TENM3: variants seen among roughly 807,000 people sequenced by gnomAD.
TENM3 encodes teneurin-3.
A neutral mutation model predicts 255.1 loss-of-function variants in TENM3; 63 were observed. That is an observed-to-expected ratio of 0.25 (90% CI 0.20 to 0.30). TENM3 has a LOEUF of 0.30. Ranked by LOEUF, TENM3 falls within the 10% of genes least tolerant of loss-of-function variation. The pLI is 1.00. For synonymous variants in TENM3, 1,306 were observed against 1,322.3 expected (o/e 0.99, Z 0.27); for missense variants, 2,929 against 3,461.1 (o/e 0.85, Z 3.86).
the TENM3 span, among the ~76,000 whole-genome samples, chr4:181,478,137 A>T: frequency 1.3e-5 from 2 of 152,322 alleles, no homozygotes; most frequent in Non-Finnish European, 2.9e-5. Context: ...AGATTGGGAG[A>T]CTACTTGTAC....
chr4:182,119,795 C>A, the TENM3 span, among the ~76,000 whole-genome samples: 2 of 152,078 alleles, frequency 1.3e-5, no homozygotes, highest in African/African-American at 4.8e-5. Flanking sequence ...CAACCTCAAA[C>A]TCCTGGGCTC....
the TENM3 span, among the ~76,000 whole-genome samples, chr4:181,608,388 G>A: frequency 6.6e-6 from 1 of 152,174 alleles, no homozygotes; most frequent in Admixed American, 6.5e-5. Flanking sequence ...GCAGTGTATT[G>A]GAGGGGGTCC....
intron 6 of TENM3, among the ~76,000 whole-genome samples, chr4:182,663,646 A>G (rs762678719): frequency 5.0e-4 from 76 of 152,330 alleles, no homozygotes; most frequent in Middle Eastern, 3.4e-3. Flanking sequence ...TTTCTTATGA[A>G]TATAAACAAA....
the TENM3 span, among the ~76,000 whole-genome samples, chr4:182,028,196 G>A: frequency 6.6e-6 from 1 of 152,056 alleles, no homozygotes; most frequent in Non-Finnish European, 1.5e-5. Flanking sequence ...GTTAAATCTT[G>A]GTAGGTTGTA....
At chr4:182,697,168 T>C (rs1372464915) in intron 12 of TENM3, among the ~76,000 whole-genome samples, 1 of 152,212 alleles carries the variant, frequency 6.6e-6, no homozygotes, top group Non-Finnish European at 1.5e-5. Flanking sequence ...ACAAACTGAC[T>C]GTGACTAATT....
At chr4:182,211,403 T>C (rs1388752650) in intron 1 of TENM3, among the ~76,000 whole-genome samples, 2 of 152,208 alleles carry the variant, frequency 1.3e-5, no homozygotes, top group African/African-American at 4.8e-5. Flanking sequence ...TTAACCACTA[T>C]AGTATGTCTT....
chr4:182,728,885 AACAGT>A lies in TENM3; in HGVS notation c.2369-79_2369-75del, dbSNP rs796399334. 4.4e-6 allele frequency: 5 copies of A among 1,144,412 alleles called. No individual in the cohort carries two copies. The African/African-American group carries it at 6.3e-5, about 14-fold the overall frequency. 70.9% of individuals were successfully genotyped at this position (1,144,412 alleles called of 1,614,324 possible). Reference sequence around the variant, plus strand: ...AATCACTTGATGTGAAAAAAAAAAAAACAGTCAAGAAACAAAACTGATTCTACATT... The same window carrying A: ...AATCACTTGATGTGAAAAAAAAAAAACAAGAAACAAAACTGATTCTACATT... On this transcript the variant is annotated intron_variant, in intron 13 of 27. Coordinates refer to ENST00000511685, the MANE Select transcript of TENM3 (RefSeq NM_001080477.4).
the TENM3 span, among the ~76,000 whole-genome samples, chr4:181,662,046 T>G: frequency 6.6e-6 from 1 of 152,200 alleles, no homozygotes; most frequent in Non-Finnish European, 1.5e-5. Flanking sequence ...GGAGCCACCC[T>G]TCACAAGTTT....
intron 27 of TENM3, among the ~76,000 whole-genome samples, chr4:182,797,927 A>G (rs1766614064): frequency 6.6e-6 from 1 of 152,220 alleles, no homozygotes; most frequent in Non-Finnish European, 1.5e-5. Flanking sequence ...CTAATATAAA[A>G]GCAATTCCTT....
At chr4:181,799,876 C>T in the TENM3 span, among the ~76,000 whole-genome samples, 1 of 152,136 alleles carries the variant, frequency 6.6e-6, no homozygotes. Context: ...CGGAAGCAGC[C>T]TGTCTATTAG....
chr4:181,613,684 AAT>A, the TENM3 span, among the ~76,000 whole-genome samples: 10 of 152,198 alleles, frequency 6.6e-5, no homozygotes, highest in South Asian at 1.9e-3. Context: ...ATGAGGGTGA[AAT>A]AACGTAAAAA....
chr4:182,076,213 C>CTTCTT, the TENM3 span, among the ~76,000 whole-genome samples: 3 of 126,356 alleles, frequency 2.4e-5, no homozygotes, highest in Admixed American at 8.1e-5. Flanking sequence ...TCTTCTTCTT[C>CTTCTT]TTTTTTTTTT....
At chr4:182,600,080 T>C (rs1747680004) in intron 3 of TENM3, among the ~76,000 whole-genome samples, 1 of 152,246 alleles carries the variant, frequency 6.6e-6, no homozygotes, top group Non-Finnish European at 1.5e-5. Flanking sequence ...TATTTATGTT[T>C]TGAAGTTGTC....
At chr4:182,455,553 CTTTTTTTTTTTTTTT>C (rs568361419) in intron 3 of TENM3, among the ~76,000 whole-genome samples, 1 of 73,138 alleles carries the variant, frequency 1.4e-5, no homozygotes, top group Admixed American at 1.9e-4. Context: ...CATGGTATTT[CTTTTTTTTTTTTTTT>C]TTTTTTTTTT....
chr4:182,773,027 A>G (rs1764385993), intron 22 of TENM3, among the ~76,000 whole-genome samples: 1 of 152,258 alleles, frequency 6.6e-6, no homozygotes, highest in Non-Finnish European at 1.5e-5. Context: ...TTACATATGC[A>G]AATACATACA....
chr4:181,463,449 C>T, the TENM3 span, among the ~76,000 whole-genome samples: 3 of 152,194 alleles, frequency 2.0e-5, no homozygotes, highest in Non-Finnish European at 4.4e-5. Flanking sequence ...GGCTTACTTA[C>T]AGCCCTACCC....
the TENM3 span, among the ~76,000 whole-genome samples, chr4:181,655,883 T>G: frequency 6.6e-6 from 1 of 151,740 alleles, no homozygotes; most frequent in Non-Finnish European, 1.5e-5. Flanking sequence ...GTCAGAGGAG[T>G]GTCCACCCTT....
At chr4:182,769,498 C>T (rs574694964) in intron 22 of TENM3, among the ~76,000 whole-genome samples, 10 of 152,206 alleles carry the variant, frequency 6.6e-5, no homozygotes, top group Admixed American at 5.9e-4. Flanking sequence ...AAAGAGCAGT[C>T]CTAGGCCGGG....
the TENM3 span, among the ~76,000 whole-genome samples, chr4:181,795,765 A>G: frequency 1.3e-5 from 2 of 152,224 alleles, no homozygotes; most frequent in African/African-American, 4.8e-5. Context: ...AAACCTGGAG[A>G]GGTAGCCAAG....
Sources: gnomAD v4.1 joint callset for allele counts (sites outside exome capture counted in the v4.1 genomes callset) on GRCh38, gnomAD v4.1.1 for gene constraint, MANE v1.5 for transcripts, NCBI Gene and HGNC (gene_info 2026-07-23, HGNC 2026-07-21) for gene names.